USP3: variants seen among roughly 807,000 people sequenced by gnomAD.
USP3 encodes ubiquitin carboxyl-terminal hydrolase 3.
Under a neutral mutation model 72.3 loss-of-function variants are expected in USP3, and 20 were observed. The ratio of observed to expected loss-of-function variants is 0.28; its 90% CI spans 0.19 to 0.40. The LOEUF (loss-of-function observed/expected upper bound fraction) is 0.40, where lower values mean the gene tolerates loss of function less well. Among genes scored for constraint, USP3 ranks in the 10% least tolerant of loss-of-function variants. USP3 has a pLI of 1.00. For synonymous variants in USP3, 222 were observed against 225.3 expected, an observed-to-expected ratio of 0.99 and a Z score of 0.13; for missense variants, 479 against 633.9, an observed-to-expected ratio of 0.76 and a Z score of 2.62.
rs1490660542 is a variant in USP3 at position 63,570,904 on chromosome 15, A to G, written c.908+325A>G. ...ATACTGAATGATAGGCAGGAGACTT[A>G]ATTTTCATATACCAAAATAATATTT... On this transcript the variant is annotated intron_variant, in intron 9 of 14. Coordinates refer to ENST00000380324, the MANE Select transcript of USP3 (RefSeq NM_006537.4). The surrounding 1 kb of genome is among the most constrained non-coding windows in gnomAD (Gnocchi z 4.4). Among the ~76,000 whole-genome samples the G allele has an allele frequency of 6.6e-6, 1 of 152,236 alleles. No homozygotes were observed. Among genetic ancestry groups the G allele is most frequent in the Admixed American group, 6.5e-5 (1 of 15,286 alleles).
intron 2 of USP3, chr15:63,533,707 G>A (rs573082069): frequency 2.0e-5 from 8 of 401,204 alleles, no homozygotes; most frequent in African/African-American, 1.1e-4. Context: ...TTTGAGTCCT[G>A]GAATTGAGTA....
intron 1 of USP3, among the ~76,000 whole-genome samples, chr15:63,511,266 T>TAAAAAAA (rs61283920): frequency 0.12 from 5,085 of 42,832 alleles, 453 homozygotes; most frequent in Middle Eastern, 0.18. Context: ...TGCTTTTTCT[T>TAAAAAAA]AAAAAAAAAA....
chr15:63,533,364 A>C (rs1053164033), intron 2 of USP3, among the ~76,000 whole-genome samples: 2 of 147,798 alleles, frequency 1.4e-5, no homozygotes, highest in African/African-American at 5.4e-5. Flanking sequence ...ACCCCACCCC[A>C]GTTTAAACCT....
intron 6 of USP3, 55 bp from the exon 7 acceptor site, chr15:63,559,802 C>A (rs966939337): frequency 1.4e-6 from 2 of 1,475,596 alleles, no homozygotes; most frequent in Middle Eastern, 1.9e-4. Context: ...CATCAACTTT[C>A]TTTACAGTCC....
chr15:63,554,173 A>T (rs1000132970), intron 4 of USP3, among the ~76,000 whole-genome samples: 1 of 152,200 alleles, frequency 6.6e-6, no homozygotes, highest in African/African-American at 2.4e-5. Flanking sequence ...ATGTATTATG[A>T]GGTCTACTAG....
chr15:63,536,230 A>C (rs943478740), intron 2 of USP3, among the ~76,000 whole-genome samples: 2 of 152,230 alleles, frequency 1.3e-5, no homozygotes, highest in African/African-American at 2.4e-5. Flanking sequence ...ATTTCTAAAC[A>C]AACATGTTTC....
intron 5 of USP3, 126 bp from the exon 6 acceptor site, chr15:63,557,980 G>C: frequency 1.2e-6 from 1 of 801,682 alleles, no homozygotes; most frequent in Non-Finnish European, 2.1e-6. Context: ...ATATTCATTG[G>C]ACAGAAAAGG....
At chr15:63,560,707 G>A (rs555690398) in intron 7 of USP3, among the ~76,000 whole-genome samples, 5 of 152,158 alleles carry the variant, frequency 3.3e-5, no homozygotes, top group South Asian at 2.1e-4. Flanking sequence ...GGAAGAAAAC[G>A]GACAAGTGCT....
intron 3 of USP3, 136 bp downstream of exon 3, chr15:63,537,292 G>A (rs2066172502): frequency 9.9e-7 from 1 of 1,010,510 alleles, no homozygotes; most frequent in Non-Finnish European, 1.4e-6. Flanking sequence ...ACGGAGGACT[G>A]GAGCCATTGG....
intron 3 of USP3, among the ~76,000 whole-genome samples, chr15:63,537,796 C>T (rs2066181084): frequency 1.3e-5 from 2 of 152,188 alleles, no homozygotes; most frequent in Non-Finnish European, 2.9e-5. Flanking sequence ...AGCAACTCTC[C>T]TGCCTCAGCC....
At chr15:63,562,809 A>G (rs2066629031) in intron 7 of USP3, 86 bp from the exon 8 acceptor site, 4 of 762,970 alleles carry the variant, frequency 5.2e-6, no homozygotes, top group Middle Eastern at 4.8e-4. Context: ...CATTTCCTAT[A>G]TATTAGGCAT....
At chr15:63,520,826 G>C (rs1419696050) in intron 1 of USP3, among the ~76,000 whole-genome samples, 1 of 151,972 alleles carries the variant, frequency 6.6e-6, no homozygotes, top group Non-Finnish European at 1.5e-5. Context: ...GCCTCCCAAA[G>C]TGCTAGGATT....
chr15:63,504,635 G>A lies in USP3; in HGVS notation c.-105G>A, dbSNP rs2065682951. 2.6e-5 allele frequency: 26 copies of A among 1,007,978 alleles called. No homozygotes were observed. Among genetic ancestry groups the A allele is most frequent in the Non-Finnish European group, 3.4e-5 (25 of 730,404 alleles). 62.4% of individuals were successfully genotyped at this position (1,007,978 alleles called of 1,614,324 possible). Reference sequence around the variant, plus strand: ...GCTCGAGACGCAGCCGCCGTCGGCCGAGCGCCCGGCTAGAAGCGACACCAG... The same window carrying A: ...GCTCGAGACGCAGCCGCCGTCGGCCAAGCGCCCGGCTAGAAGCGACACCAG... On this transcript the variant is annotated 5_prime_UTR_variant, in exon 1 of 15. Coordinates refer to ENST00000380324, the MANE Select transcript of USP3 (RefSeq NM_006537.4).
At position 63,537,754 on chromosome 15, in the gene USP3, C is replaced by T. The variant is rs532748431; in HGVS notation, c.284+598C>T. Among the ~76,000 whole-genome samples, 3 of 152,224 alleles carry T rather than the reference C, an allele frequency of 2.0e-5. No homozygotes were observed. In the East Asian group the frequency reaches 5.8e-4, roughly 29 times the overall value. ...AGGCTGGAGTGCAATGGCGCAATAT[C>T]GGCTCACCTCAATGTCTGCCTCCCG... On this transcript the variant is annotated intron_variant, in intron 3 of 14. Transcript: ENST00000380324.
intron 2 of USP3, among the ~76,000 whole-genome samples, chr15:63,536,462 A>G (rs547341133): frequency 2.6e-5 from 4 of 151,928 alleles, no homozygotes; most frequent in Admixed American, 2.0e-4. Flanking sequence ...GAGAAAAAAA[A>G]AAAAAGCTAT....
At chr15:63,587,935 T>A (rs1340438493) in intron 11 of USP3, 1 of 158,894 alleles carries the variant, frequency 6.3e-6, no homozygotes, top group Non-Finnish European at 1.4e-5. Context: ...CTTTTTTTTA[T>A]GAGTTTGGAG....
rs74022987 is a variant in USP3, at chr15:63,505,389, C to T, written c.91+559C>T. 7.7e-3 allele frequency among the ~76,000 whole-genome samples: 1,174 copies of T among 152,316 alleles called. 11 individuals carry two copies. The highest frequency in any genetic ancestry group is 0.027 in the African/African-American group (1,138 of 41,576). On this transcript the variant is annotated intron_variant, in intron 1 of 14. Transcript: ENST00000380324. ...CTCCGCAGGCTCGGGCACCTCGAAA[C>T]CCCGAGAGGCGCTGGGAGCTCGGGC... is the stretch of plus-strand genomic sequence containing the variant.
chr15:63,539,851 C>G (rs2066217621), intron 3 of USP3, among the ~76,000 whole-genome samples: 1 of 152,132 alleles, frequency 6.6e-6, no homozygotes, highest in Non-Finnish European at 1.5e-5. Flanking sequence ...CACTGATGGC[C>G]TAAAAGAAAT....
At position 63,592,833 on chromosome 15, in the gene USP3, G is replaced by T. The variant is rs765261652; in HGVS notation, c.*2007G>T. 2.6e-5 allele frequency: 4 copies of T among 151,952 alleles called. No individual in the cohort carries two copies. The highest frequency in any genetic ancestry group is 5.9e-5 in the Non-Finnish European group (4 of 67,986). 9.4% of individuals were successfully genotyped at this position (151,952 alleles called of 1,614,324 possible). A position where few individuals can be genotyped will look rare whatever the true frequency, so the allele number is the denominator to read the frequency against. On this transcript the variant is annotated 3_prime_UTR_variant, in exon 15 of 15. Transcript: ENST00000380324. ...CTCAGGTTGGATATCTGAAGTTGTGGGAGCAGATGTAGCTCCATTTCCATT... is the reference window on the plus strand; with the variant it reads ...CTCAGGTTGGATATCTGAAGTTGTGTGAGCAGATGTAGCTCCATTTCCATT...
Sources: allele counts gnomAD v4.1 joint callset (sites outside exome capture counted in the v4.1 genomes callset), GRCh38; gene constraint gnomAD v4.1.1; non-coding constraint Gnocchi (gnomAD v3.1); transcripts MANE v1.5; gene names NCBI Gene and HGNC (gene_info 2026-07-23, HGNC 2026-07-21).